ANKRD17: variants seen among roughly 807,000 people sequenced by gnomAD.
ANKRD17 encodes the protein ankyrin repeat domain 17.
ANKRD17 carries 19 observed loss-of-function variants against 229.7 expected under a neutral mutation model. That is an observed-to-expected ratio of 0.08 (90% confidence interval 0.06 to 0.12). The LOEUF is 0.12. ANKRD17 is among the 10% of genes least tolerant of loss of function. The pLI is 1.00. For synonymous variants in ANKRD17, 1,112 were observed against 1,146.1 expected (o/e 0.97, Z 0.60); for missense variants, 2,176 against 3,176.8 (o/e 0.68, Z 7.57).
At chr4:73,222,142 GA>G (rs917707977) in intron 1 of ANKRD17, among the ~76,000 whole-genome samples, 12 of 150,904 alleles carry the variant, frequency 8.0e-5, no homozygotes, top group African/African-American at 2.9e-4. Flanking sequence ...ATCTAATGAG[GA>G]AAAAAAAGAA....
Position 73,258,785 on chromosome 4 carries a change from C to G in ANKRD17, c.-117G>C, listed in dbSNP as rs565536458. On this transcript the variant is annotated 5_prime_UTR_variant, in exon 1 of 34. Transcript: ENST00000358602. ...GGTGCCGCCTCCGCCGCCACCGCCTCGGTCACCTCTACTGCCGCCGCCGCC... is the reference window on the plus strand; with the variant it reads ...GGTGCCGCCTCCGCCGCCACCGCCTGGGTCACCTCTACTGCCGCCGCCGCC... 694 of 1,238,206 alleles carry G rather than the reference C, an allele frequency of 5.6e-4. No homozygotes were observed. Among genetic ancestry groups the G allele is most frequent in the South Asian group, 1.4e-3 (76 of 53,692 alleles). 76.7% of individuals were successfully genotyped at this position (1,238,206 alleles called of 1,614,324 possible).
intron 18 of ANKRD17, among the ~76,000 whole-genome samples, chr4:73,122,354 A>C (rs978342599): frequency 1.3e-5 from 2 of 152,194 alleles, no homozygotes; most frequent in African/African-American, 4.8e-5. Flanking sequence ...TCAATAATGC[A>C]TGAGTTCTAG....
chr4:73,121,536 G>T (rs756912262), intron 19 of ANKRD17, 81 bp downstream of exon 19: 3 of 1,510,410 alleles, frequency 2.0e-6, no homozygotes, highest in Non-Finnish European at 2.7e-6. Context: ...TACTAAATTT[G>T]GCACTAAAAA....
At chr4:73,136,483 A>T (rs1351180663) in intron 15 of ANKRD17, among the ~76,000 whole-genome samples, 1 of 152,174 alleles carries the variant, frequency 6.6e-6, no homozygotes, top group Middle Eastern at 3.2e-3. Context: ...CATTATAGCA[A>T]CACACATTCT....
rs1008695462 is a variant in ANKRD17 at position 73,178,479 on chromosome 4, A to AT, written c.394-947dup. 3.0e-3 allele frequency among the ~76,000 whole-genome samples: 437 copies of AT among 147,740 alleles called. 3 individuals are homozygous for AT. The highest frequency in any genetic ancestry group is 8.6e-3 in the African/African-American group (347 of 40,508). The stretch of plus-strand genomic sequence containing the variant: ...AAGAATATTCTTAAACTAGCATTTA[A>AT]TTTTTTTTTTTTAACTTCAAGCACG... On this transcript the variant is annotated intron_variant, in intron 1 of 33. Transcript: ENST00000358602.
chr4:73,204,693 G>C (rs994542448), intron 1 of ANKRD17, among the ~76,000 whole-genome samples: 4 of 151,912 alleles, frequency 2.6e-5, no homozygotes, highest in Non-Finnish European at 5.9e-5. Context: ...TCACAACATA[G>C]GTAGAAATAA....
chr4:73,199,221 C>CTGTGTGTGTGTG lies in ANKRD17; in HGVS notation c.394-21700_394-21689dup, dbSNP rs10577503. On this transcript the variant is annotated intron_variant, in intron 1 of 33. Coordinates refer to ENST00000358602, the MANE Select transcript of ANKRD17 (RefSeq NM_032217.5). ...CAGGCTGCGAAAACATACAGTTTGG[C>CTGTGTGTGTGTG]TGTGTGTGTGTGTGTGTGTGTGTGT... 1.0e-4 allele frequency among the ~76,000 whole-genome samples: 14 copies of CTGTGTGTGTGTG among 140,474 alleles called. No individual in the cohort carries two copies. In the East Asian group the frequency reaches 1.1e-3, roughly 11 times the overall value. The allele number at this position is 140,474 out of a possible 152,430, so 92.2% of individuals were successfully genotyped here. A position where few individuals can be genotyped will look rare whatever the true frequency, so the allele number is the denominator to read the frequency against.
At chr4:73,227,725 G>C (rs1742653069) in intron 1 of ANKRD17, among the ~76,000 whole-genome samples, 1 of 152,088 alleles carries the variant, frequency 6.6e-6, no homozygotes, top group Non-Finnish European at 1.5e-5. Flanking sequence ...TACCTAGATT[G>C]AATGAAAGAA....
intron 24 of ANKRD17, among the ~76,000 whole-genome samples, chr4:73,108,705 C>A (rs1038557582): frequency 6.6e-6 from 1 of 152,070 alleles, no homozygotes; most frequent in Admixed American, 6.6e-5. Context: ...TGAGAGCCAG[C>A]CTGTCAGGAA....
rs776967244 is a variant in ANKRD17, at chr4:73,098,050, TGAAA to T, written c.5021+19_5021+22del. 5 of 1,559,630 alleles carry T rather than the reference TGAAA, an allele frequency of 3.2e-6. No homozygotes were observed. The highest frequency in any genetic ancestry group is 4.3e-6 in the Non-Finnish European group (5 of 1,150,916). ...TATTTCATGATGACACTATAAATATTGAAAATAAAAATTGGAACTAACTTTATTG... is the reference window on the plus strand; with the variant it reads ...TATTTCATGATGACACTATAAATATTATAAAAATTGGAACTAACTTTATTG... On this transcript the variant is annotated intron_variant, in intron 26 of 33. Transcript: ENST00000358602.
At chr4:73,136,988 T>G (rs1023844397) in intron 15 of ANKRD17, among the ~76,000 whole-genome samples, 2 of 151,440 alleles carry the variant, frequency 1.3e-5, no homozygotes, top group East Asian at 3.9e-4. Context: ...GAGTTTTTTT[T>G]TTTTTTTTTT....
intron 1 of ANKRD17, among the ~76,000 whole-genome samples, chr4:73,198,604 C>G (rs1447473598): frequency 1.3e-5 from 2 of 151,986 alleles, no homozygotes; most frequent in Admixed American, 1.3e-4. Context: ...CTCAACATTA[C>G]TATTTCAAGA....
intron 2 of ANKRD17, among the ~76,000 whole-genome samples, chr4:73,168,180 G>T (rs1733491870): frequency 6.6e-6 from 1 of 152,006 alleles, no homozygotes; most frequent in South Asian, 2.1e-4. Context: ...AAAATTTACT[G>T]TATTACAAGA....
At chr4:73,138,643 ACT>A (rs1729214031) in intron 15 of ANKRD17, among the ~76,000 whole-genome samples, 1 of 152,092 alleles carries the variant, frequency 6.6e-6, no homozygotes. Flanking sequence ...CCAAAATTCC[ACT>A]GTTTATTCCT....
At chr4:73,160,728 A>G (rs1414038682) in intron 3 of ANKRD17, among the ~76,000 whole-genome samples, 3 of 152,216 alleles carry the variant, frequency 2.0e-5, no homozygotes, top group Non-Finnish European at 2.9e-5. Flanking sequence ...AACTAGATCT[A>G]TAACTTCTTT....
chr4:73,110,889 G>C lies in ANKRD17; in HGVS notation c.4401+2903C>G, dbSNP rs1725232880. Among the ~76,000 whole-genome samples the C allele has an allele frequency of 2.0e-5, 3 of 152,200 alleles. No individual in the cohort carries two copies. In the South Asian group the frequency reaches 6.2e-4, roughly 32 times the overall value. ...CATTAGCTTTTGGTTTTAATATTAT[G>C]GAAAAATATACAACGATATTTAAAA... On this transcript the variant is annotated intron_variant, in intron 24 of 33. Coordinates refer to ENST00000358602, the MANE Select transcript of ANKRD17 (RefSeq NM_032217.5).
intron 14 of ANKRD17, 62 bp downstream of exon 14, chr4:73,141,679 T>C (rs1217890965): frequency 3.4e-6 from 5 of 1,461,128 alleles, no homozygotes; most frequent in Admixed American, 3.5e-5. Context: ...ATGTCTATTT[T>C]TTGGTAATCT....
At chr4:73,251,522 C>T (rs1404454722) in intron 1 of ANKRD17, among the ~76,000 whole-genome samples, 1 of 141,694 alleles carries the variant, frequency 7.1e-6, no homozygotes, top group African/African-American at 2.6e-5. Flanking sequence ...TAATGACTTA[C>T]TTTTTTTTTT....
Position 73,258,568 on chromosome 4 carries a change from T to TCCG in ANKRD17, c.98_100dup (p.Ala33dup). 2 of 1,454,954 alleles carry TCCG rather than the reference T, an allele frequency of 1.4e-6. No homozygotes were observed. Among genetic ancestry groups the TCCG allele is most frequent in the Non-Finnish European group, 1.8e-6 (2 of 1,115,764 alleles). 90.1% of individuals were successfully genotyped at this position (1,454,954 alleles called of 1,614,324 possible). On this transcript the variant is annotated inframe_insertion, in exon 1 of 34. Transcript: ENST00000358602. Reference sequence around the variant, plus strand: ...GCTGCCGCCAACGCCGCCGCCGACCTCCGCCGCCGCGGGGGGGCCCGCCAC... The same window carrying TCCG: ...GCTGCCGCCAACGCCGCCGCCGACCTCCGCCGCCGCCGCGGGGGGGCCCGCCAC...
Sources: gnomAD v4.1 joint callset for allele counts (sites outside exome capture counted in the v4.1 genomes callset) on GRCh38, gnomAD v4.1.1 for gene constraint, MANE v1.5 for transcripts, NCBI Gene and HGNC (gene_info 2026-07-23, HGNC 2026-07-21) for gene names.